NEMP2: variants seen among roughly 807,000 people sequenced by gnomAD.
NEMP2 encodes nuclear envelope integral membrane protein 2, also known as UPF0571 transmembrane protein.
A neutral mutation model predicts 54.2 loss-of-function variants in NEMP2; 53 were observed. The observed-to-expected ratio is 0.98, with a 90% confidence interval of 0.78 to 1.23. The LOEUF is 1.23. Ranked by LOEUF, NEMP2 falls within the 50% of genes most tolerant of loss-of-function variation. The pLI, the probability that NEMP2 is intolerant of heterozygous loss-of-function variation, is 0.00. For missense variants in NEMP2, 455 were observed against 511.3 expected, an observed-to-expected ratio of 0.89 and a Z score of 1.06; for synonymous variants, 197 against 190.3, an observed-to-expected ratio of 1.04 and a Z score of -0.29.
the NEMP2 span, among the ~76,000 whole-genome samples, chr2:190,475,017 C>A: frequency 2.6e-5 from 4 of 152,284 alleles, no homozygotes; most frequent in African/African-American, 7.2e-5. Context: ...TTCAACAACC[C>A]TTCATGCTAA....
At chr2:190,431,029 GTC>G in the NEMP2 span, among the ~76,000 whole-genome samples, 1 of 114,888 alleles carries the variant, frequency 8.7e-6, no homozygotes, top group South Asian at 2.7e-4. This position sits in a 1 kb window ranked among gnomAD's most constrained non-coding sequence, Gnocchi z 4.4. Context: ...CCCAGACGGG[GTC>G]GCGGCCGGGC....
the NEMP2 span, among the ~76,000 whole-genome samples, chr2:190,448,945 T>G: frequency 6.6e-6 from 1 of 152,226 alleles, no homozygotes; most frequent in African/African-American, 2.4e-5. Context: ...AATGTGTGTA[T>G]GTGTATATGC....
At chr2:190,608,136 C>A in the NEMP2 span, 2 of 152,222 alleles carry the variant, frequency 1.3e-5, no homozygotes, top group Non-Finnish European at 2.9e-5. This position sits in a 1 kb window ranked among gnomAD's most constrained non-coding sequence, Gnocchi z 4.9. Context: ...GTACCCACGC[C>A]GTACACGTTC....
At chr2:190,426,448 T>G in the NEMP2 span, among the ~76,000 whole-genome samples, 1 of 152,242 alleles carries the variant, frequency 6.6e-6, no homozygotes, top group Non-Finnish European at 1.5e-5. This position sits in a 1 kb window ranked among gnomAD's most constrained non-coding sequence, Gnocchi z 4.7. Flanking sequence ...AGCATGTTTA[T>G]AATTGCCTAT....
the NEMP2 span, among the ~76,000 whole-genome samples, chr2:190,547,949 TA>T: frequency 2.6e-5 from 4 of 152,014 alleles, no homozygotes; most frequent in African/African-American, 9.7e-5. This position sits in a 1 kb window ranked among gnomAD's most constrained non-coding sequence, Gnocchi z 6.2. Context: ...AAAGAGGAGA[TA>T]AAAAAGGAGA....
chr2:190,492,114 A>G, the NEMP2 span, among the ~76,000 whole-genome samples: 1 of 152,230 alleles, frequency 6.6e-6, no homozygotes, highest in Non-Finnish European at 1.5e-5. The surrounding 1 kb of genome is among the most constrained non-coding windows in gnomAD (Gnocchi z 5.2). Flanking sequence ...CAAAGAAAAA[A>G]GAATTTTAAA....
chr2:190,612,020 A>G, the NEMP2 span, among the ~76,000 whole-genome samples: 3 of 152,298 alleles, frequency 2.0e-5, no homozygotes, highest in Non-Finnish European at 2.9e-5. Flanking sequence ...TAAAACATTC[A>G]GGAGGCCTAA....
downstream of NEMP2, chr2:190,500,101 G>A: frequency 6.2e-7 from 1 of 1,614,196 alleles, no homozygotes; most frequent in African/African-American, 1.3e-5. The surrounding 1 kb of genome is among the most constrained non-coding windows in gnomAD (Gnocchi z 5.3). Context: ...CTAGAAACCA[G>A]CCATCCCCTG....
Position 190,534,596 on chromosome 2 carries a change from C to T in NEMP2, c.60G>A (p.Leu20=), listed in dbSNP as rs911002629. 7 of 1,394,608 alleles carry T rather than the reference C, an allele frequency of 5.0e-6. No individual in the cohort carries two copies. In the Admixed American group the frequency reaches 2.0e-4, roughly 40 times the overall value. The allele number at this position is 1,394,608 out of a possible 1,614,324, so 86.4% of individuals were successfully genotyped here. The part of the protein sequence containing the change: ...LLLWLPPLAT[L]PVRGEAAAAA... ...CCGCCGCCGCCTCCCCGCGCACGGGCAGTGTGGCCAGGGGCGGCAGCCAGA... is the reference window on the plus strand; with the variant it reads ...CCGCCGCCGCCTCCCCGCGCACGGGTAGTGTGGCCAGGGGCGGCAGCCAGA... The change falls in exon 1 of 9, where the codon CTG becomes CTA. Residue 20 remains leucine, a synonymous_variant. Coordinates refer to ENST00000409150, the MANE Select transcript of NEMP2 (RefSeq NM_001142645.2).
chr2:190,440,977 C>T, the NEMP2 span, among the ~76,000 whole-genome samples: 1 of 152,098 alleles, frequency 6.6e-6, no homozygotes, highest in Non-Finnish European at 1.5e-5. Flanking sequence ...TGGGAGGTGG[C>T]ACATGATAGT....
rs547284198 is a variant in NEMP2 at position 190,534,549 on chromosome 2, C to T, written c.97+10G>A. ...GCACGCGCGCGCCGCCGCCGCCGGT[C>T]CCGGGTTACCTGATAACGCTGCCGC... is the stretch of plus-strand genomic sequence containing the variant. On this transcript the variant is annotated intron_variant, in intron 1 of 8. Transcript: ENST00000409150. The T allele has an allele frequency of 6.5e-5, 91 of 1,396,344 alleles. No individual in the cohort carries two copies. The East Asian group carries it at 9.2e-4, about 14-fold the overall frequency. 86.5% of individuals were successfully genotyped at this position (1,396,344 alleles called of 1,614,324 possible). A position where few individuals can be genotyped will look rare whatever the true frequency, so the allele number is the denominator to read the frequency against.
Position 190,521,868 on chromosome 2 carries a change from C to T in NEMP2, c.214-2685G>A, listed in dbSNP as rs7585173. 0.53 allele frequency among the ~76,000 whole-genome samples: 80,462 copies of T among 151,822 alleles called. 22,690 individuals carry two copies. The highest frequency in any genetic ancestry group is 0.63 in the Admixed American group (9,688 of 15,264). ...TCCTTTTATTTCTCCTCTGCTTGCT[C>T]CTTCCTTCTCCCTGAACTCTTAATA... On this transcript the variant is annotated intron_variant, in intron 2 of 8. Transcript: ENST00000409150. The surrounding 1 kb of genome is among the most constrained non-coding windows in gnomAD (Gnocchi z 6.2).
the NEMP2 span, among the ~76,000 whole-genome samples, chr2:190,595,147 TGG>T: frequency 1.3e-4 from 20 of 152,120 alleles, no homozygotes; most frequent in East Asian, 2.9e-3. This position sits in a 1 kb window ranked among gnomAD's most constrained non-coding sequence, Gnocchi z 4.0. Context: ...AAACAAGAAA[TGG>T]GGGAAAGGAT....
At position 190,504,814 on chromosome 2, in the gene NEMP2, C is replaced by A. The variant is rs1371229846; in HGVS notation, c.*4375G>T. On this transcript the variant is annotated 3_prime_UTR_variant, in exon 9 of 9. Coordinates refer to ENST00000409150, the MANE Select transcript of NEMP2 (RefSeq NM_001142645.2). The surrounding 1 kb of genome is among the most constrained non-coding windows in gnomAD (Gnocchi z 5.6). The stretch of plus-strand genomic sequence containing the variant: ...GCATCTTAGAAAAATAACATGTAGA[C>A]CAGTGCTACTCAAAGTGTGCTCAAT... 1 of 152,092 alleles carries A rather than the reference C, an allele frequency of 6.6e-6. No homozygotes were observed. The highest frequency in any genetic ancestry group is 6.5e-5 in the Admixed American group (1 of 15,276). 9.4% of individuals were successfully genotyped at this position (152,092 alleles called of 1,614,324 possible). A position where few individuals can be genotyped will look rare whatever the true frequency, so the allele number is the denominator to read the frequency against.
At chr2:190,463,506 C>T in the NEMP2 span, among the ~76,000 whole-genome samples, 1 of 152,052 alleles carries the variant, frequency 6.6e-6, no homozygotes, top group Non-Finnish European at 1.5e-5. The surrounding 1 kb of genome is among the most constrained non-coding windows in gnomAD (Gnocchi z 4.4). Context: ...TTTTTAGGGA[C>T]AAGTTTATAT....
chr2:190,607,252 G>A, the NEMP2 span, among the ~76,000 whole-genome samples: 1 of 152,190 alleles, frequency 6.6e-6, no homozygotes, highest in Non-Finnish European at 1.5e-5. This position sits in a 1 kb window ranked among gnomAD's most constrained non-coding sequence, Gnocchi z 5.2. Flanking sequence ...GTATGTGTAG[G>A]AGGGAGTCAG....
upstream of NEMP2, among the ~76,000 whole-genome samples, chr2:190,538,210 A>C (rs1320048853): frequency 6.6e-6 from 1 of 152,124 alleles, no homozygotes; most frequent in African/African-American, 2.4e-5. This position sits in a 1 kb window ranked among gnomAD's most constrained non-coding sequence, Gnocchi z 4.1. Context: ...CCACATATAA[A>C]TGAGAACATG....
intron 1 of NEMP2, chr2:190,534,136 G>A: frequency 4.0e-6 from 4 of 993,644 alleles, no homozygotes; most frequent in Non-Finnish European, 4.8e-6. Context: ...CCAAAGGAAT[G>A]CGAGATAGTG....
the NEMP2 span, among the ~76,000 whole-genome samples, chr2:190,593,017 T>C: frequency 6.6e-6 from 1 of 152,182 alleles, no homozygotes; most frequent in Non-Finnish European, 1.5e-5. This position sits in a 1 kb window ranked among gnomAD's most constrained non-coding sequence, Gnocchi z 4.5. Flanking sequence ...GAGTCTTAGC[T>C]GAGGGTCAGA....
Sources: allele counts gnomAD v4.1 joint callset (sites outside exome capture counted in the v4.1 genomes callset), GRCh38; gene constraint gnomAD v4.1.1; non-coding constraint Gnocchi (gnomAD v3.1); transcripts MANE v1.5; gene names NCBI Gene and HGNC (gene_info 2026-07-23, HGNC 2026-07-21).